The following YIPF2 variants were observed in gnomAD, a reference collection of about 807,000 sequenced individuals.
YIPF2 encodes Yip1 domain family member 2.
YIPF2 carries 30 observed loss-of-function variants against 38.8 expected under a neutral mutation model. The ratio of observed to expected loss-of-function variants is 0.77; its 90% CI spans 0.58 to 1.05. YIPF2 has a LOEUF of 1.05. Among genes scored for constraint, YIPF2 ranks in the 50% least tolerant of loss-of-function variants. The pLI, the probability that YIPF2 is intolerant of heterozygous loss-of-function variation, is 0.00. For missense variants in YIPF2, 401 were observed against 409.7 expected (o/e 0.98, Z 0.18); for synonymous variants, 194 against 183.8 (o/e 1.06, Z -0.45).
intron 2 of YIPF2, 80 bp from the exon 3 acceptor site, chr19:10,928,039 A>C: frequency 3.0e-5 from 46 of 1,533,592 alleles, no homozygotes; most frequent in Non-Finnish European, 3.6e-5. Flanking sequence ...ACCGATGCTC[A>C]TCTGGGGGCG....
At position 10,923,583 on chromosome 19, in the gene YIPF2, G is replaced by A; in HGVS notation, c.746C>T (p.Pro249Leu). 1 of 1,612,862 alleles carries A rather than the reference G, an allele frequency of 6.2e-7. No individual in the cohort carries two copies. The highest frequency in any genetic ancestry group is 2.2e-5 in the East Asian group (1 of 44,872). ...CAGCCTGGTGTCCTCACGGACCACG[G>A]GCCAGAGGGTGAATACCAGCCCGGC... The part of the protein sequence containing the change: ...SAAGLVFTLW[P>L]VVREDTRLVA... The change falls in exon 8 of 10, where the codon CCC becomes CTC. Residue 249 changes from proline (P) to leucine (L), a missense_variant. Pro to Leu is a moderately conservative substitution (Grantham distance 98). Coordinates refer to ENST00000586748, the MANE Select transcript of YIPF2 (RefSeq NM_001321439.2).
intron 5 of YIPF2, among the ~76,000 whole-genome samples, chr19:10,924,997 C>A (rs553822067): frequency 6.6e-6 from 1 of 152,066 alleles, no homozygotes; most frequent in South Asian, 2.1e-4. Context: ...CTTAGGAGGC[C>A]GAGGCGGGTG....
chr19:10,923,848 G>A lies in YIPF2; in HGVS notation c.636C>T (p.Val212=). 2 of 1,612,916 alleles carry A rather than the reference G, an allele frequency of 1.2e-6. No individual in the cohort carries two copies. Among genetic ancestry groups the A allele is most frequent in the Middle Eastern group, 1.7e-4 (1 of 6,058 alleles). ...TVCIYGYSLF[V]FIPMVVLWLI... ...CCACACTCACCACCATGGGGATGAA[G>A]ACAAAGAGGGAGTAGCCGTAGATGC... Residue 212 remains valine (V), a synonymous_variant, in exon 7 of 10, where the codon GTC becomes GTT. Transcript: ENST00000586748.
Position 10,928,554 on chromosome 19 carries a change from G to T in YIPF2, c.-74C>A. The T allele has an allele frequency of 1.8e-6, 2 of 1,135,112 alleles. No individual in the cohort carries two copies. The highest frequency in any genetic ancestry group is 2.3e-6 in the Non-Finnish European group (2 of 856,764). 70.3% of individuals were successfully genotyped at this position (1,135,112 alleles called of 1,614,324 possible). On this transcript the variant is annotated 5_prime_UTR_variant, in exon 1 of 10. Coordinates refer to ENST00000586748, the MANE Select transcript of YIPF2 (RefSeq NM_001321439.2). ...CACGGAGGCTTGAACTCGTCGTCCC[G>T]TCCCCACAGGTGCGCTCCGCCCCCC...
Position 10,923,303 on chromosome 19 carries a change from C to G in YIPF2, c.939G>C (p.Leu313=). Reference sequence around the variant, plus strand: ...GACCCGGGCCTTCCTAGGAGGGGGCCAGGGACTGCGGCAAGGTAGGGGACA... The same window carrying G: ...GACCCGGGCCTTCCTAGGAGGGGGCGAGGGACTGCGGCAAGGTAGGGGACA... ...IALSPTLPQS[L]APS The change falls in exon 9 of 10, where the codon CTG becomes CTC. Residue 313 remains leucine, a synonymous_variant. Transcript: ENST00000586748. 1 of 1,611,212 alleles carries G rather than the reference C, an allele frequency of 6.2e-7. No homozygotes were observed. The highest frequency in any genetic ancestry group is 8.5e-7 in the Non-Finnish European group (1 of 1,178,890).
chr19:10,928,597 G>T lies in YIPF2; in HGVS notation c.-117C>A. The T allele has an allele frequency of 2.1e-6, 2 of 939,162 alleles. No individual in the cohort carries two copies. The highest frequency in any genetic ancestry group is 3.0e-6 in the Non-Finnish European group (2 of 674,156). 58.2% of individuals were successfully genotyped at this position (939,162 alleles called of 1,614,324 possible). ...CGCCCCCCCTCACCTGAGGCCACCT[G>T]GGCCGGCGTGGCTGGGGCTCTCTGC... is the stretch of plus-strand genomic sequence containing the variant. On this transcript the variant is annotated 5_prime_UTR_variant, in exon 1 of 10. Transcript: ENST00000586748.
rs770603174 is a variant in YIPF2 at position 10,924,159 on chromosome 19, A to G, written c.401T>C (p.Val134Ala). ...PFWICATLAF[V>A]LAVTGNLTLV... ...CGTCAGGTTGCCAGTGACGGCCAGG[A>G]CAAAGGCCAACGTGGCACAGATCCA... The change falls in exon 6 of 10, where the codon GTC becomes GCC. Residue 134 changes from valine to alanine, a missense_variant. Coordinates refer to ENST00000586748, the MANE Select transcript of YIPF2 (RefSeq NM_001321439.2). 6.2e-7 allele frequency: 1 copy of G among 1,613,160 alleles called. No individual in the cohort carries two copies. Among genetic ancestry groups the G allele is most frequent in the East Asian group, 2.2e-5 (1 of 44,866 alleles).
chr19:10,924,340 A>G, intron 5 of YIPF2, 148 bp from the exon 6 acceptor site: 1 of 676,464 alleles, frequency 1.5e-6, no homozygotes, highest in Non-Finnish European at 2.5e-6. Context: ...CTGGTGGCTG[A>G]GCCCAGTGCT....
intron 5 of YIPF2, 83 bp downstream of exon 5, chr19:10,925,603 C>CCGCAG (rs2083410520): frequency 2.0e-6 from 3 of 1,504,360 alleles, no homozygotes; most frequent in Admixed American, 1.8e-5. Context: ...ACTGATTTGT[C>CCGCAG]CGCAGCTATA....
At position 10,923,673 on chromosome 19, in the gene YIPF2, A is replaced by C; in HGVS notation, c.656T>G (p.Leu219Arg). 1.2e-6 allele frequency: 2 copies of C among 1,605,218 alleles called. No homozygotes were observed. The highest frequency in any genetic ancestry group is 1.7e-6 in the Non-Finnish European group (2 of 1,173,770). Residue 219 changes from leucine to arginine, a missense_variant, in exon 8 of 10, where the codon CTG becomes CGG. Coordinates refer to ENST00000586748, the MANE Select transcript of YIPF2 (RefSeq NM_001321439.2). ...CAGCCAAGGCACAGGGATGAGCCACAGGACCTGGGAGCAACACGGCGGCAG... is the reference window on the plus strand; with the variant it reads ...CAGCCAAGGCACAGGGATGAGCCACCGGACCTGGGAGCAACACGGCGGCAG... ...SLFVFIPMVV[L>R]WLIPVPWLQW...
At position 10,923,660 on chromosome 19, in the gene YIPF2, A is replaced by AGG; in HGVS notation, c.667_668dup (p.Val224LeufsTer128). 6.2e-7 allele frequency: 1 copy of AGG among 1,610,110 alleles called. No individual in the cohort carries two copies. Among genetic ancestry groups the AGG allele is most frequent in the Admixed American group, 1.7e-5 (1 of 59,734 alleles). On this transcript the variant is annotated frameshift_variant, in exon 8 of 10. Coordinates refer to ENST00000586748, the MANE Select transcript of YIPF2 (RefSeq NM_001321439.2). LOFTEE classifies it high-confidence loss of function. ...CAAAGAGCCACTGCAGCCAAGGCACAGGGATGAGCCACAGGACCTGGGAGC... is the reference window on the plus strand; with the variant it reads ...CAAAGAGCCACTGCAGCCAAGGCACAGGGGGATGAGCCACAGGACCTGGGAGC...
At chr19:10,928,023 A>G in intron 2 of YIPF2, 64 bp from the exon 3 acceptor site, 3 of 1,555,456 alleles carry the variant, frequency 1.9e-6, no homozygotes, top group Non-Finnish European at 2.6e-6. Context: ...ACTGGGCCCA[A>G]GCTAAACCGA....
chr19:10,923,731 C>A, intron 7 of YIPF2, 54 bp from the exon 8 acceptor site: 9 of 1,579,376 alleles, frequency 5.7e-6, no homozygotes, highest in Non-Finnish European at 7.7e-6. Flanking sequence ...CCACCACCCA[C>A]TCTGCACCAG....
At chr19:10,925,904 TC>T (rs1412164888) in intron 4 of YIPF2, 131 bp from the exon 5 acceptor site, 54 of 577,796 alleles carry the variant, frequency 9.3e-5, no homozygotes, top group South Asian at 4.9e-4. Flanking sequence ...CCTTTCCCTC[TC>T]TTTTTTTTTT....
At chr19:10,926,435 C>T (rs1221397532) in intron 4 of YIPF2, among the ~76,000 whole-genome samples, 2 of 151,354 alleles carry the variant, frequency 1.3e-5, no homozygotes, top group East Asian at 3.9e-4. Flanking sequence ...ACCGTGTTAG[C>T]CAGGATGGTC....
chr19:10,928,524 G>A lies in YIPF2; in HGVS notation c.-44C>T. The stretch of plus-strand genomic sequence containing the variant: ...CCCCAGCCCTACCTGGCGACCAACT[G>A]CACCCACGGAGGCTTGAACTCGTCG... On this transcript the variant is annotated 5_prime_UTR_variant, in exon 1 of 10. Coordinates refer to ENST00000586748, the MANE Select transcript of YIPF2 (RefSeq NM_001321439.2). 2 of 1,283,084 alleles carry A rather than the reference G, an allele frequency of 1.6e-6. No homozygotes were observed. The highest frequency in any genetic ancestry group is 3.8e-5 in the Admixed American group (1 of 26,194). 79.5% of individuals were successfully genotyped at this position (1,283,084 alleles called of 1,614,324 possible).
intron 5 of YIPF2, among the ~76,000 whole-genome samples, chr19:10,925,053 G>A (rs575755378): frequency 6.3e-4 from 96 of 152,146 alleles, no homozygotes; most frequent in African/African-American, 2.1e-3. Context: ...CTAACACGGT[G>A]AAACTCCGTC....
chr19:10,925,904 T>TA, intron 4 of YIPF2, 131 bp from the exon 5 acceptor site: 28 of 577,848 alleles, frequency 4.8e-5, no homozygotes, highest in Non-Finnish European at 7.3e-5. Context: ...CCTTTCCCTC[T>TA]CTTTTTTTTT....
At position 10,923,858 on chromosome 19, in the gene YIPF2, G is replaced by A. The variant is rs771154258; in HGVS notation, c.626C>T (p.Ser209Phe). Residue 209 changes from serine (S) to phenylalanine (F), a missense_variant, in exon 7 of 10, where the codon TCC (serine) becomes TTC (phenylalanine). Physicochemically the swap from Ser to Phe is radical, Grantham distance 155. Transcript: ENST00000586748. ...CACCATGGGGATGAAGACAAAGAGG[G>A]AGTAGCCGTAGATGCACACAGTCTC... Reference protein sequence around the residue: ...FLETVCIYGYSLFVFIPMVVL... With the variant: ...FLETVCIYGYFLFVFIPMVVL... The A allele has an allele frequency of 1.9e-6, 3 of 1,613,150 alleles. No homozygotes were observed. The South Asian group carries it at 3.3e-5, about 18-fold the overall frequency.
Sources: allele counts gnomAD v4.1 joint callset (sites outside exome capture counted in the v4.1 genomes callset), GRCh38; gene constraint gnomAD v4.1.1; transcripts MANE v1.5; gene names NCBI Gene and HGNC (gene_info 2026-07-23, HGNC 2026-07-21).